Variants in STAMBP observed in about 807,000 individuals in gnomAD.
STAMBP encodes the protein STAM binding protein.
STAMBP carries 31 observed loss-of-function variants against 50.7 expected under a neutral mutation model. That is an observed-to-expected ratio of 0.61 (90% CI 0.46 to 0.83). The LOEUF is 0.83. STAMBP is among the 40% of genes least tolerant of loss of function. The pLI is 0.00. For synonymous variants in STAMBP, 211 were observed against 192.4 expected, an observed-to-expected ratio of 1.10 and a Z score of -0.80; for missense variants, 472 against 518.9, an observed-to-expected ratio of 0.91 and a Z score of 0.88.
At chr2:73,834,794 A>C (rs1674517724) in intron 2 of STAMBP, among the ~76,000 whole-genome samples, 1 of 152,200 alleles carries the variant, frequency 6.6e-6, no homozygotes, top group African/African-American at 2.4e-5. Context: ...TGGTCATTCC[A>C]AGAGCATAGG....
At chr2:73,833,821 T>G (rs1674249171) in intron 2 of STAMBP, among the ~76,000 whole-genome samples, 2 of 152,048 alleles carry the variant, frequency 1.3e-5, no homozygotes, top group Admixed American at 6.6e-5. Context: ...TGGTGTTCCT[T>G]TATAGGTATG....
At chr2:73,857,411 C>T (rs1677695370) in intron 7 of STAMBP, among the ~76,000 whole-genome samples, 1 of 152,146 alleles carries the variant, frequency 6.6e-6, no homozygotes. Flanking sequence ...TGTCTGCCTA[C>T]TCCAGTTCCC....
intron 9 of STAMBP, 43 bp downstream of exon 9, chr2:73,860,194 G>C: frequency 6.5e-7 from 1 of 1,528,176 alleles, no homozygotes; most frequent in South Asian, 1.1e-5. Context: ...GCTTCAAGCA[G>C]GGAGGACAGT....
At chr2:73,832,082 A>AATATATAT (rs1558553820) in intron 2 of STAMBP, among the ~76,000 whole-genome samples, 1 of 85,846 alleles carries the variant, frequency 1.2e-5, no homozygotes, top group African/African-American at 5.9e-5. Context: ...TTGAGTAGGT[A>AATATATAT]ACATATATAT....
At chr2:73,855,678 A>T (rs1290938768) in intron 7 of STAMBP, 1 of 456,014 alleles carries the variant, frequency 2.2e-6, no homozygotes, top group Non-Finnish European at 4.4e-6. Context: ...TTGTGTGTGG[A>T]TTTGCTGCCT....
In STAMBP at chr2:73,850,399, C is replaced by G. The variant is rs150793338; in HGVS notation, c.891C>G (p.Thr297=). 5 of 1,612,594 alleles carry G rather than the reference C, an allele frequency of 3.1e-6. No individual in the cohort carries two copies. In the African/African-American group the frequency reaches 6.7e-5, roughly 22 times the overall value. The part of the protein sequence containing the change: ...GKLMRNEFTI[T]HVLIPKQSAG... ...AGATGAGGAATGAATTTACCATTAC[C>G]CATGTTCTCATCCCCAAGCAAAGTG... The change falls in exon 7 of 10, where the codon ACC becomes ACG. Residue 297 remains threonine (T), a synonymous_variant. Transcript: ENST00000394070. The surrounding 1 kb of genome is among the most constrained non-coding windows in gnomAD (Gnocchi z 4.3).
intron 2 of STAMBP, among the ~76,000 whole-genome samples, chr2:73,832,101 A>ATG (rs1674010357): frequency 7.4e-6 from 1 of 135,186 alleles, no homozygotes; most frequent in Non-Finnish European, 1.5e-5. Context: ...ATATATATAT[A>ATG]TATATATACA....
rs1265711934 is a variant in STAMBP at position 73,863,085 on chromosome 2, C to G, written c.*826C>G. 6.6e-6 allele frequency: 1 copy of G among 152,186 alleles called. No individual in the cohort carries two copies. Among genetic ancestry groups the G allele is most frequent in the Non-Finnish European group, 1.5e-5 (1 of 68,038 alleles). The allele number at this position is 152,186 out of a possible 1,614,324, so 9.4% of individuals were successfully genotyped here. ...TTCCAGAGGTGTTGTGAAGTCATCTCTGTTCTTTTGGTGCTGTCTCAAATG... is the reference window on the plus strand; with the variant it reads ...TTCCAGAGGTGTTGTGAAGTCATCTGTGTTCTTTTGGTGCTGTCTCAAATG... On this transcript the variant is annotated 3_prime_UTR_variant, in exon 10 of 10. Transcript: ENST00000394070.
Position 73,830,940 on chromosome 2 carries a change from T to C in STAMBP, c.84T>C (p.Asn28=). 1.2e-6 allele frequency: 2 copies of C among 1,614,170 alleles called. No individual in the cohort carries two copies. Among genetic ancestry groups the C allele is most frequent in the Non-Finnish European group, 1.7e-6 (2 of 1,180,042 alleles). The change falls in exon 2 of 10, where the codon AAT becomes AAC. Residue 28 remains asparagine (N), a synonymous_variant. Transcript: ENST00000394070. ...AGCTGGGTAGTGCGGTAGAGGTGAATGAAGACATTCCACCCCGTCGGTACT... is the reference window on the plus strand; with the variant it reads ...AGCTGGGTAGTGCGGTAGAGGTGAACGAAGACATTCCACCCCGTCGGTACT... The part of the protein sequence containing the change: ...LSQLGSAVEV[N]EDIPPRRYFR...
At chr2:73,854,516 A>G (rs1677298557) in intron 7 of STAMBP, among the ~76,000 whole-genome samples, 1 of 152,148 alleles carries the variant, frequency 6.6e-6, no homozygotes. Context: ...TTATGTTGGA[A>G]TACAGTGGCT....
chr2:73,840,619 C>G (rs1365427355), intron 2 of STAMBP, among the ~76,000 whole-genome samples: 1 of 151,652 alleles, frequency 6.6e-6, no homozygotes, highest in Non-Finnish European at 1.5e-5. Context: ...TAGCAGGTGC[C>G]TCTAATCGCA....
intron 2 of STAMBP, 95 bp from the exon 3 acceptor site, chr2:73,844,718 A>G: frequency 9.8e-7 from 1 of 1,024,532 alleles, no homozygotes; most frequent in Admixed American, 2.4e-5. Context: ...GGAACCTTTC[A>G]TATAAGGGCT....
chr2:73,869,904 C>T (rs1490972745), downstream of STAMBP, among the ~76,000 whole-genome samples: 3 of 152,120 alleles, frequency 2.0e-5, no homozygotes, highest in African/African-American at 7.2e-5. Context: ...GACTTTCAAA[C>T]CCACACTCAA....
chr2:73,836,307 C>T (rs1295066681), intron 2 of STAMBP, among the ~76,000 whole-genome samples: 2 of 152,114 alleles, frequency 1.3e-5, no homozygotes, highest in Non-Finnish European at 2.9e-5. Flanking sequence ...GGAGGTGAGG[C>T]GATTGCCGAG....
intron 7 of STAMBP, among the ~76,000 whole-genome samples, chr2:73,855,308 T>C (rs1677412079): frequency 6.6e-6 from 1 of 152,214 alleles, no homozygotes; most frequent in Non-Finnish European, 1.5e-5. Flanking sequence ...TGTTTTCTCT[T>C]TGTCAAAGTG....
At chr2:73,862,085 C>T (rs567880122) in intron 9 of STAMBP, 118 bp from the exon 10 acceptor site, 13 of 701,892 alleles carry the variant, frequency 1.9e-5, no homozygotes, top group South Asian at 1.3e-4. Flanking sequence ...TGCAGTGAGC[C>T]GAGATCGTGC....
intron 2 of STAMBP, among the ~76,000 whole-genome samples, chr2:73,832,108 T>TATATATATATATATATACACACAC (rs1006072205): frequency 2.2e-4 from 27 of 122,886 alleles, no homozygotes; most frequent in African/African-American, 8.4e-4. Context: ...TATATATATA[T>TATATATATATATATATACACACAC]ACACATATAT....
chr2:73,842,771 G>A (rs913791251), intron 2 of STAMBP, among the ~76,000 whole-genome samples: 1 of 152,128 alleles, frequency 6.6e-6, no homozygotes, highest in Admixed American at 6.5e-5. Flanking sequence ...GTACATATAT[G>A]TAATGTTTAC....
chr2:73,852,677 C>CTTTTG (rs958849500), intron 7 of STAMBP, among the ~76,000 whole-genome samples: 20 of 152,140 alleles, frequency 1.3e-4, no homozygotes, highest in African/African-American at 3.4e-4. Flanking sequence ...GAGGAAGGCT[C>CTTTTG]TTTTGTTTTG....
Sources: allele counts gnomAD v4.1 joint callset (sites outside exome capture counted in the v4.1 genomes callset), GRCh38; gene constraint gnomAD v4.1.1; non-coding constraint Gnocchi (gnomAD v3.1); transcripts MANE v1.5; gene names NCBI Gene and HGNC (gene_info 2026-07-23, HGNC 2026-07-21).